ROR1: variants seen among roughly 807,000 people sequenced by gnomAD.
ROR1 encodes inactive tyrosine-protein kinase transmembrane receptor ROR1.
ROR1 carries 19 observed loss-of-function variants against 78.8 expected under a neutral mutation model. That is an observed-to-expected ratio of 0.24 (90% confidence interval 0.17 to 0.35). The LOEUF (loss-of-function observed/expected upper bound fraction) is 0.35. ROR1 is among the 10% of genes least tolerant of loss of function. The probability of loss-of-function intolerance (pLI) is 1.00; values close to 1 mark genes in which losing one functional copy is unlikely to be tolerated. For missense variants in ROR1, 917 were observed against 1,177.8 expected (o/e 0.78, Z 3.24); for synonymous variants, 386 against 433.6 (o/e 0.89, Z 1.36).
chr1:64,072,908 C>G (rs1220973719), intron 4 of ROR1, among the ~76,000 whole-genome samples: 2 of 152,168 alleles, frequency 1.3e-5, no homozygotes, highest in Non-Finnish European at 2.9e-5. Context: ...AGCTGGGAGC[C>G]TGGTTTTTCC....
intron 1 of ROR1, among the ~76,000 whole-genome samples, chr1:63,941,644 A>G (rs1279840896): frequency 6.6e-6 from 1 of 152,196 alleles, no homozygotes; most frequent in Non-Finnish European, 1.5e-5. Context: ...CATGACAGGT[A>G]TTCTAACTGC....
chr1:63,856,131 C>T (rs1205807056), intron 1 of ROR1, among the ~76,000 whole-genome samples: 2 of 151,298 alleles, frequency 1.3e-5, no homozygotes, highest in African/African-American at 4.9e-5. Context: ...TTTATGAATG[C>T]CTGGTAATTT....
chr1:63,823,476 GT>G (rs1644935690), intron 1 of ROR1, among the ~76,000 whole-genome samples: 1 of 145,430 alleles, frequency 6.9e-6, no homozygotes, highest in Admixed American at 6.8e-5. Flanking sequence ...TTGAGATAGG[GT>G]CTCACTCTGC....
At chr1:64,104,188 C>G (rs1304878844) in intron 4 of ROR1, among the ~76,000 whole-genome samples, 1 of 152,126 alleles carries the variant, frequency 6.6e-6, no homozygotes, top group Non-Finnish European at 1.5e-5. Flanking sequence ...TGAAGAAACT[C>G]AGGCTTAGAG....
At chr1:63,847,478 C>T (rs980588615) in intron 1 of ROR1, among the ~76,000 whole-genome samples, 1 of 152,054 alleles carries the variant, frequency 6.6e-6, no homozygotes, top group East Asian at 1.9e-4. Context: ...GGAGATTCAT[C>T]TCCCAGAGAC....
At chr1:63,999,932 G>A (rs2100531453) in intron 1 of ROR1, among the ~76,000 whole-genome samples, 1 of 152,290 alleles carries the variant, frequency 6.6e-6, no homozygotes. Flanking sequence ...TCATGGAATT[G>A]CAGCTGTGAA....
chr1:63,860,602 C>CACACACACACAT (rs1249309148), intron 1 of ROR1, among the ~76,000 whole-genome samples: 19 of 148,878 alleles, frequency 1.3e-4, no homozygotes, highest in African/African-American at 4.8e-4. Flanking sequence ...CACACACACA[C>CACACACACACAT]ACATACACAC....
intron 1 of ROR1, among the ~76,000 whole-genome samples, chr1:63,904,382 C>G (rs961070469): frequency 4.6e-5 from 7 of 152,148 alleles, no homozygotes; most frequent in Non-Finnish European, 4.4e-5. Flanking sequence ...GACTCACAGT[C>G]CCAGGCTCTT....
intron 1 of ROR1, among the ~76,000 whole-genome samples, chr1:63,862,504 T>G (rs1302715498): frequency 6.6e-6 from 1 of 152,140 alleles, no homozygotes; most frequent in Non-Finnish European, 1.5e-5. Flanking sequence ...ATCTTGGCTT[T>G]GTATTTCCCA....
intron 1 of ROR1, among the ~76,000 whole-genome samples, chr1:63,982,135 G>T (rs1163188968): frequency 6.6e-6 from 1 of 152,148 alleles, no homozygotes; most frequent in Non-Finnish European, 1.5e-5. Context: ...CCAATTGGCA[G>T]ATGAAGAAAC....
At chr1:63,873,852 G>T (rs1163714786) in intron 1 of ROR1, among the ~76,000 whole-genome samples, 2 of 152,084 alleles carry the variant, frequency 1.3e-5, no homozygotes, top group Non-Finnish European at 2.9e-5. Context: ...GGTTTGATTG[G>T]TTTTTTTACT....
intron 1 of ROR1, among the ~76,000 whole-genome samples, chr1:63,830,999 A>G (rs1481594198): frequency 6.6e-6 from 1 of 152,218 alleles, no homozygotes; most frequent in East Asian, 1.9e-4. Flanking sequence ...TTAAAGCTCC[A>G]AAATAATCTC....
At chr1:64,088,330 C>T (rs11208351) in intron 4 of ROR1, among the ~76,000 whole-genome samples, 69,597 of 151,388 alleles carry the variant, frequency 0.46, 16,748 homozygotes, top group East Asian at 0.6. Context: ...TTACCAGGTG[C>T]CAACCACAGT....
At chr1:63,796,133 G>A (rs955018202) in intron 1 of ROR1, among the ~76,000 whole-genome samples, 1 of 151,602 alleles carries the variant, frequency 6.6e-6, no homozygotes, top group Non-Finnish European at 1.5e-5. Context: ...GGGAAAGGAC[G>A]ATGGGATTTT....
At chr1:63,997,785 A>T (rs561050934) in intron 1 of ROR1, among the ~76,000 whole-genome samples, 93 of 149,508 alleles carry the variant, frequency 6.2e-4, no homozygotes, top group Non-Finnish European at 1.1e-3. Context: ...TACATTAAAC[A>T]CTCTTCAGGC....
chr1:64,054,833 G>T (rs3903872), intron 4 of ROR1, among the ~76,000 whole-genome samples: 15,140 of 152,102 alleles, frequency 0.1, 871 homozygotes, highest in African/African-American at 0.14. Flanking sequence ...AGATCAATGT[G>T]TTCATGGGGT....
chr1:63,905,081 C>T (rs553128833), intron 1 of ROR1, among the ~76,000 whole-genome samples: 1 of 152,226 alleles, frequency 6.6e-6, no homozygotes, highest in South Asian at 2.1e-4. Context: ...CACACTGCTT[C>T]AGAGGCAAGA....
At chr1:63,940,245 A>G (rs1391261168) in intron 1 of ROR1, among the ~76,000 whole-genome samples, 1 of 152,146 alleles carries the variant, frequency 6.6e-6, no homozygotes, top group Admixed American at 6.5e-5. Flanking sequence ...TGGTTTGGGC[A>G]GGGAAGGTAC....
intron 1 of ROR1, among the ~76,000 whole-genome samples, chr1:63,928,974 T>G (rs1331644383): frequency 6.6e-6 from 1 of 152,066 alleles, no homozygotes; most frequent in Non-Finnish European, 1.5e-5. Flanking sequence ...AGGGAGAGGT[T>G]TGGAAATTTA....
Sources: allele counts gnomAD v4.1 joint callset (sites outside exome capture counted in the v4.1 genomes callset), GRCh38; gene constraint gnomAD v4.1.1; transcripts MANE v1.5; gene names NCBI Gene and HGNC (gene_info 2026-07-23, HGNC 2026-07-21).